The following VWC2 variants were observed in gnomAD, a reference collection of about 807,000 sequenced individuals.
VWC2 encodes the protein brorin.
In VWC2, 14 loss-of-function variants were observed where a neutral mutation model predicts 29.8. The ratio of observed to expected loss-of-function variants is 0.47; its 90% CI spans 0.31 to 0.74. VWC2 has a LOEUF of 0.74. VWC2 is among the 30% of genes least tolerant of loss of function. The pLI, the probability that VWC2 is intolerant of heterozygous loss-of-function variation, is 0.05. For missense variants in VWC2, 457 were observed against 459.8 expected, an observed-to-expected ratio of 0.99 and a Z score of 0.05; for synonymous variants, 213 against 199.0, an observed-to-expected ratio of 1.07 and a Z score of -0.59.
intron 3 of VWC2, among the ~76,000 whole-genome samples, chr7:49,832,898 A>G (rs1408599986): frequency 2.6e-5 from 4 of 152,216 alleles, no homozygotes; most frequent in Non-Finnish European, 5.9e-5. Context: ...GGTTAAAAGT[A>G]TGGATCAGAA....
intron 3 of VWC2, among the ~76,000 whole-genome samples, chr7:49,899,942 T>G (rs1019598251): frequency 2.6e-5 from 4 of 151,764 alleles, no homozygotes; most frequent in African/African-American, 9.7e-5. Context: ...CCTTAATAAA[T>G]TTTGAAAAAT....
At chr7:49,876,021 A>T (rs1348583815) in intron 3 of VWC2, among the ~76,000 whole-genome samples, 1 of 152,194 alleles carries the variant, frequency 6.6e-6, no homozygotes, top group African/African-American at 2.4e-5. Flanking sequence ...CCCAGGCAAT[A>T]TTCTCAAAAA....
At chr7:49,824,694 C>A (rs1485286496) in intron 3 of VWC2, among the ~76,000 whole-genome samples, 50 of 152,072 alleles carry the variant, frequency 3.3e-4, no homozygotes, top group Non-Finnish European at 1.5e-5. Context: ...CATGGCATAT[C>A]TCTTCATTTA....
intron 2 of VWC2, among the ~76,000 whole-genome samples, chr7:49,791,629 C>T (rs1350299710): frequency 6.6e-6 from 1 of 152,196 alleles, no homozygotes; most frequent in Non-Finnish European, 1.5e-5. Flanking sequence ...TCTCCCAAAC[C>T]TACGGCCATT....
chr7:49,884,477 A>G (rs896213211), intron 3 of VWC2, among the ~76,000 whole-genome samples: 1 of 152,150 alleles, frequency 6.6e-6, no homozygotes, highest in Admixed American at 6.6e-5. Flanking sequence ...GGGGTAAGAA[A>G]GTCATCCTGA....
rs533539941 is a variant in VWC2, at chr7:49,854,934, G to A, written c.826+52094G>A. ...TAACTTGCCCAATGCCATGCACCCTGGTCCAGGGTAGAGGGGCTGACAAAT... is the reference window on the plus strand; with the variant it reads ...TAACTTGCCCAATGCCATGCACCCTAGTCCAGGGTAGAGGGGCTGACAAAT... On this transcript the variant is annotated intron_variant, in intron 3 of 3. Transcript: ENST00000340652. Among the ~76,000 whole-genome samples the A allele has an allele frequency of 9.2e-5, 14 of 152,324 alleles. No homozygotes were observed. In the South Asian group the frequency reaches 1.4e-3, roughly 16 times the overall value.
chr7:49,830,381 T>C (rs754917529), intron 3 of VWC2, among the ~76,000 whole-genome samples: 30 of 152,208 alleles, frequency 2.0e-4, no homozygotes, highest in Non-Finnish European at 4.1e-4. Flanking sequence ...GTATCTAGAC[T>C]TTATCACATG....
chr7:49,778,365 G>A (rs552647201), intron 2 of VWC2, among the ~76,000 whole-genome samples: 1 of 152,264 alleles, frequency 6.6e-6, no homozygotes, highest in African/African-American at 2.4e-5. Context: ...TTCAAATGAC[G>A]TTTCATTCTA....
rs1399020704 is a variant in VWC2, at chr7:49,888,711, G to T, written c.827-23323G>T. Reference sequence around the variant, plus strand: ...GGATCACCTGCGGTCAGGAGTTCTAGATTAGCCTGGCCAACATGGTAAAAC... The same window carrying T: ...GGATCACCTGCGGTCAGGAGTTCTATATTAGCCTGGCCAACATGGTAAAAC... On this transcript the variant is annotated intron_variant, in intron 3 of 3. Coordinates refer to ENST00000340652, the MANE Select transcript of VWC2 (RefSeq NM_198570.5). Among the ~76,000 whole-genome samples, 5 of 152,254 alleles carry T rather than the reference G, an allele frequency of 3.3e-5. No individual in the cohort carries two copies. In the East Asian group the frequency reaches 9.7e-4, roughly 29 times the overall value.
At chr7:49,908,340 G>A (rs1793218197) in intron 3 of VWC2, among the ~76,000 whole-genome samples, 1 of 152,060 alleles carries the variant, frequency 6.6e-6, no homozygotes, top group Non-Finnish European at 1.5e-5. Flanking sequence ...CACAAGGAGG[G>A]GTCCATTCAA....
intron 3 of VWC2, among the ~76,000 whole-genome samples, chr7:49,823,439 T>C (rs1014343224): frequency 6.6e-6 from 1 of 152,216 alleles, no homozygotes; most frequent in Admixed American, 6.5e-5. Context: ...TATTAGGGTA[T>C]GTTTAAAGAT....
chr7:49,816,838 G>A (rs1001355071), intron 3 of VWC2, among the ~76,000 whole-genome samples: 2 of 152,140 alleles, frequency 1.3e-5, no homozygotes, highest in Non-Finnish European at 2.9e-5. Context: ...TGTCTAATTT[G>A]CTTCCCCTCT....
intron 3 of VWC2, among the ~76,000 whole-genome samples, chr7:49,858,815 T>C (rs539503349): frequency 6.6e-6 from 1 of 152,372 alleles, no homozygotes; most frequent in Admixed American, 6.5e-5. Flanking sequence ...ACTTATTTTT[T>C]ATGTTTATAA....
rs144224756 is a variant in VWC2 at position 49,903,441 on chromosome 7, G to C, written c.827-8593G>C. ...AACTATTGATACTCACCACAACTTG[G>C]ATAGATCTCAAAGGCTTTATGCTGA... On this transcript the variant is annotated intron_variant, in intron 3 of 3. Coordinates refer to ENST00000340652, the MANE Select transcript of VWC2 (RefSeq NM_198570.5). 2.7e-3 allele frequency among the ~76,000 whole-genome samples: 417 copies of C among 152,260 alleles called. 3 individuals carry two copies. Among genetic ancestry groups the C allele is most frequent in the African/African-American group, 9.3e-3 (388 of 41,544 alleles).
chr7:49,889,588 G>A (rs1792043404), intron 3 of VWC2, among the ~76,000 whole-genome samples: 1 of 152,182 alleles, frequency 6.6e-6, no homozygotes, highest in Non-Finnish European at 1.5e-5. Flanking sequence ...CGGCTACAGG[G>A]TGATGACCTA....
At position 49,883,684 on chromosome 7, in the gene VWC2, C is replaced by T. The variant is rs546859999; in HGVS notation, c.827-28350C>T. On this transcript the variant is annotated intron_variant, in intron 3 of 3. Coordinates refer to ENST00000340652, the MANE Select transcript of VWC2 (RefSeq NM_198570.5). The stretch of plus-strand genomic sequence containing the variant: ...CAGAAAAAGAGGAAATTTCACCTTC[C>T]GATAGCTGCACTTCCTCAAACAGAC... 1.1e-4 allele frequency among the ~76,000 whole-genome samples: 17 copies of T among 152,178 alleles called. No individual in the cohort carries two copies. The South Asian group carries it at 1.2e-3, about 11-fold the overall frequency.
In VWC2 at chr7:49,915,583, T is replaced by A. The variant is rs1379649765; in HGVS notation, c.*3398T>A. 4.6e-5 allele frequency: 7 copies of A among 152,198 alleles called. No homozygotes were observed. Among genetic ancestry groups the A allele is most frequent in the African/African-American group, 1.4e-4 (6 of 41,464 alleles). The allele number at this position is 152,198 out of a possible 1,614,324, so 9.4% of individuals were successfully genotyped here. A position where few individuals can be genotyped will look rare whatever the true frequency, so the allele number is the denominator to read the frequency against. ...TTAAGCAGTGAAATGGGTTTTTAAA[T>A]GTATACATTATCTGAAACTTACAAA... On this transcript the variant is annotated 3_prime_UTR_variant, in exon 4 of 4. Transcript: ENST00000340652.
intron 2 of VWC2, among the ~76,000 whole-genome samples, chr7:49,799,001 G>A (rs753679580): frequency 3.3e-5 from 5 of 152,248 alleles, no homozygotes; most frequent in Admixed American, 6.5e-5. Context: ...AGACAGGACA[G>A]CATTGAGGGG....
At chr7:49,908,463 T>C (rs905428029) in intron 3 of VWC2, among the ~76,000 whole-genome samples, 1 of 152,278 alleles carries the variant, frequency 6.6e-6, no homozygotes, top group East Asian at 1.9e-4. Flanking sequence ...TATGTTAAAA[T>C]GTTTCATTGT....
Sources: allele counts gnomAD v4.1 joint callset (sites outside exome capture counted in the v4.1 genomes callset), GRCh38; gene constraint gnomAD v4.1.1; transcripts MANE v1.5; gene names NCBI Gene and HGNC (gene_info 2026-07-23, HGNC 2026-07-21).